Variants in CREB5 observed in about 807,000 individuals in gnomAD.
The protein encoded by CREB5 is cAMP responsive element binding protein 5.
In CREB5, 19 loss-of-function variants were observed where a neutral mutation model predicts 57.1. The observed-to-expected ratio is 0.33, with a 90% confidence interval of 0.23 to 0.49. The LOEUF is 0.49. CREB5 is among the 20% of genes least tolerant of loss of function. CREB5 has a pLI of 0.99. For missense variants in CREB5, 579 were observed against 671.6 expected, an observed-to-expected ratio of 0.86 and a Z score of 1.52; for synonymous variants, 238 against 238.3, an observed-to-expected ratio of 1.00 and a Z score of 0.01.
chr7:28,581,462 CT>C (rs1445844995), intron 5 of CREB5, among the ~76,000 whole-genome samples: 2 of 152,282 alleles, frequency 1.3e-5, no homozygotes, highest in Middle Eastern at 3.4e-3. Flanking sequence ...TTCCCGTAGA[CT>C]TGGTTGGTTC....
chr7:28,402,021 C>T (rs976637376), intron 1 of CREB5, among the ~76,000 whole-genome samples: 1 of 152,184 alleles, frequency 6.6e-6, no homozygotes, highest in Non-Finnish European at 1.5e-5. Flanking sequence ...AGTTTACAGT[C>T]CCACCAACAG....
At chr7:28,304,159 CAG>C (rs1785146987) in intron 1 of CREB5, among the ~76,000 whole-genome samples, 1 of 152,098 alleles carries the variant, frequency 6.6e-6, no homozygotes, top group South Asian at 2.1e-4. Context: ...AGCCTGGTCT[CAG>C]GGGAAAAATA....
At chr7:28,411,261 T>C (rs1483757261), upstream of CREB5, among the ~76,000 whole-genome samples, 1 of 152,216 alleles carries the variant, frequency 6.6e-6, no homozygotes, top group Non-Finnish European at 1.5e-5. Context: ...CTTTACGTAG[T>C]GCCTGCCCTT....
At chr7:28,597,272 G>A (rs1000926126) in intron 5 of CREB5, among the ~76,000 whole-genome samples, 3 of 152,172 alleles carry the variant, frequency 2.0e-5, no homozygotes, top group Admixed American at 6.5e-5. Context: ...ATGAGGCATA[G>A]CCATTTAGCC....
chr7:28,473,992 T>A (rs1790947924), intron 1 of CREB5, among the ~76,000 whole-genome samples: 1 of 152,216 alleles, frequency 6.6e-6, no homozygotes, highest in African/African-American at 2.4e-5. Flanking sequence ...AGCCTGGTTT[T>A]GTTGTTTGAT....
At chr7:28,573,274 AT>A (rs1002837918) in intron 5 of CREB5, among the ~76,000 whole-genome samples, 7 of 151,054 alleles carry the variant, frequency 4.6e-5, no homozygotes, top group African/African-American at 1.5e-4. Context: ...TTTTTACTTT[AT>A]TTTTTTTGAG....
intron 5 of CREB5, among the ~76,000 whole-genome samples, chr7:28,658,712 A>G (rs1447803393): frequency 6.6e-6 from 1 of 152,066 alleles, no homozygotes; most frequent in Non-Finnish European, 1.5e-5. Context: ...AGCTGATCAA[A>G]TCAAGGGGTG....
At chr7:28,430,872 T>A (rs1321106045) in intron 1 of CREB5, among the ~76,000 whole-genome samples, 2 of 152,204 alleles carry the variant, frequency 1.3e-5, no homozygotes, top group East Asian at 3.9e-4. Context: ...GTGATCAAGA[T>A]ACCTGCCAGG....
chr7:28,642,991 C>CACACAA (rs1554279328), intron 5 of CREB5, among the ~76,000 whole-genome samples: 2 of 114,658 alleles, frequency 1.7e-5, no homozygotes, highest in Non-Finnish European at 1.9e-5. Context: ...CACACATACA[C>CACACAA]ACACACACAC....
chr7:28,497,295 C>T (rs1056657122), intron 3 of CREB5, among the ~76,000 whole-genome samples: 5 of 152,206 alleles, frequency 3.3e-5, no homozygotes, highest in Non-Finnish European at 7.3e-5. Flanking sequence ...CTATATAGTG[C>T]CTAAAGCAGG....
chr7:28,728,744 G>C (rs1379469016), intron 7 of CREB5, among the ~76,000 whole-genome samples: 1 of 152,194 alleles, frequency 6.6e-6, no homozygotes, highest in Non-Finnish European at 1.5e-5. Context: ...ATTTGAGTTT[G>C]AGTTGAGTTG....
At chr7:28,811,415 T>C (rs1809113502) in intron 9 of CREB5, among the ~76,000 whole-genome samples, 1 of 152,100 alleles carries the variant, frequency 6.6e-6, no homozygotes, top group South Asian at 2.1e-4. Flanking sequence ...TTGAGACTTG[T>C]CTCAAAAAAG....
intron 5 of CREB5, among the ~76,000 whole-genome samples, chr7:28,707,763 C>T (rs1802190227): frequency 6.6e-6 from 1 of 152,204 alleles, no homozygotes; most frequent in South Asian, 2.1e-4. Context: ...TAAGTTAAAT[C>T]CACATGCTGC....
At chr7:28,620,575 T>A (rs539964350) in intron 5 of CREB5, among the ~76,000 whole-genome samples, 2 of 152,276 alleles carry the variant, frequency 1.3e-5, no homozygotes, top group African/African-American at 4.8e-5. Flanking sequence ...TAGATACAAA[T>A]TATATTTGGC....
At chr7:28,319,146 A>G (rs572266656) in intron 1 of CREB5, among the ~76,000 whole-genome samples, 73 of 152,292 alleles carry the variant, frequency 4.8e-4, no homozygotes, top group African/African-American at 1.5e-3. Context: ...AGAGGGAGCC[A>G]TAAGGAAAAA....
In CREB5 at chr7:28,454,538, G is replaced by A. The variant is rs377021913; in HGVS notation, c.4-33637G>A. ...ATCCATGTTCGCCAGATTGCTTCCT[G>A]GTGCCACCTCCTAGCACCTGTGGAT... is the stretch of plus-strand genomic sequence containing the variant. On this transcript the variant is annotated intron_variant, in intron 1 of 10. Transcript: ENST00000357727. 1.4e-4 allele frequency among the ~76,000 whole-genome samples: 22 copies of A among 152,220 alleles called. 2 individuals are homozygous for A. In the South Asian group the frequency reaches 1.5e-3, roughly 10 times the overall value.
At chr7:28,422,299 C>T (rs1459330420) in intron 1 of CREB5, among the ~76,000 whole-genome samples, 2 of 151,932 alleles carry the variant, frequency 1.3e-5, no homozygotes, top group Non-Finnish European at 2.9e-5. Flanking sequence ...CTTTTGGCTC[C>T]AAAGAGGGAA....
intron 5 of CREB5, among the ~76,000 whole-genome samples, chr7:28,583,217 G>A (rs1796182582): frequency 6.6e-6 from 1 of 152,200 alleles, no homozygotes; most frequent in South Asian, 2.1e-4. Context: ...TACAAAATTG[G>A]AAGATGCTTT....
chr7:28,630,744 C>T (rs1798170262), intron 5 of CREB5, among the ~76,000 whole-genome samples: 2 of 152,182 alleles, frequency 1.3e-5, no homozygotes, highest in East Asian at 1.9e-4. Flanking sequence ...CAGAAAAATT[C>T]CAAGTATATT....
Sources: allele counts gnomAD v4.1 joint callset (sites outside exome capture counted in the v4.1 genomes callset), GRCh38; gene constraint gnomAD v4.1.1; transcripts MANE v1.5; gene names NCBI Gene and HGNC (gene_info 2026-07-23, HGNC 2026-07-21).